TUT7: variants seen among roughly 807,000 people sequenced by gnomAD.
TUT7 encodes the protein terminal uridylyltransferase 7.
A neutral mutation model predicts 165.9 loss-of-function variants in TUT7; 33 were observed. The observed-to-expected ratio is 0.20, with a 90% confidence interval of 0.15 to 0.27. TUT7 has a LOEUF of 0.27. TUT7 is among the 10% of genes least tolerant of loss of function. The pLI, the probability that TUT7 is intolerant of heterozygous loss-of-function variation, is 1.00. For missense variants in TUT7, 1,338 were observed against 1,762.3 expected (o/e 0.76, Z 4.31); for synonymous variants, 552 against 608.1 (o/e 0.91, Z 1.36).
At chr9:86,305,885 A>G (rs1827416746) in intron 22 of TUT7, among the ~76,000 whole-genome samples, 2 of 152,158 alleles carry the variant, frequency 1.3e-5, no homozygotes, top group Admixed American at 1.3e-4. Flanking sequence ...AACATCTTAG[A>G]TAGCTGTATA....
At position 86,315,806 on chromosome 9, in the gene TUT7, A is replaced by G. The variant is rs189356772; in HGVS notation, c.3274+1413T>C. On this transcript the variant is annotated intron_variant, in intron 17 of 26. Coordinates refer to ENST00000375963, the MANE Select transcript of TUT7 (RefSeq NM_024617.4). The stretch of plus-strand genomic sequence containing the variant: ...GTGAACAAATCAATGTACATTTAAA[A>G]AAACAAAGCCTAACCCAATTTCTGT... 2.4e-4 allele frequency among the ~76,000 whole-genome samples: 36 copies of G among 152,312 alleles called. 1 individual carries two copies. The East Asian group carries it at 6.9e-3, about 29-fold the overall frequency.
chr9:86,328,079 T>C (rs1019987551), intron 11 of TUT7, among the ~76,000 whole-genome samples: 1 of 152,202 alleles, frequency 6.6e-6, no homozygotes, highest in South Asian at 2.1e-4. Context: ...TCTTTGAGGA[T>C]AGATATGGAT....
chr9:86,351,828 A>ATGCAG (rs1482027484), intron 2 of TUT7, among the ~76,000 whole-genome samples: 6 of 152,202 alleles, frequency 3.9e-5, no homozygotes, highest in Non-Finnish European at 5.9e-5. Flanking sequence ...TAAACTTACA[A>ATGCAG]GTCCATGTTT....
chr9:86,328,671 T>C (rs758069154), intron 10 of TUT7, among the ~76,000 whole-genome samples, 179 bp from the exon 11 acceptor site: 2 of 152,148 alleles, frequency 1.3e-5, no homozygotes, highest in Non-Finnish European at 2.9e-5. Context: ...AAAAACAAGG[T>C]TTTGATTTGC....
intron 8 of TUT7, 54 bp downstream of exon 8, chr9:86,339,982 T>A (rs777923372): frequency 7.3e-7 from 1 of 1,378,826 alleles, no homozygotes; most frequent in Non-Finnish European, 1.0e-6. Flanking sequence ...AGTAAAGTAC[T>A]TGTGCTTTTG....
rs1258723333 is a variant in TUT7 at position 86,339,970 on chromosome 9, G to A, written c.1208+66C>T. The A allele has an allele frequency of 2.5e-6, 3 of 1,187,294 alleles. No homozygotes were observed. In the South Asian group the frequency reaches 3.7e-5, roughly 15 times the overall value. The allele number at this position is 1,187,294 out of a possible 1,614,324, so 73.5% of individuals were successfully genotyped here. ...AATTCTAGAAATTGGACATTAAGAT[G>A]TAGTAAAGTACTTGTGCTTTTGGCA... On this transcript the variant is annotated intron_variant, in intron 8 of 26. Coordinates refer to ENST00000375963, the MANE Select transcript of TUT7 (RefSeq NM_024617.4).
intron 26 of TUT7, among the ~76,000 whole-genome samples, chr9:86,290,753 C>T (rs899250064): frequency 3.3e-5 from 5 of 151,272 alleles, no homozygotes; most frequent in Non-Finnish European, 7.4e-5. Context: ...CCCAGCTACT[C>T]GGAAGGCTGA....
At chr9:86,312,738 A>G (rs1313978941) in intron 17 of TUT7, among the ~76,000 whole-genome samples, 2 of 152,148 alleles carry the variant, frequency 1.3e-5, no homozygotes, top group Non-Finnish European at 2.9e-5. Flanking sequence ...AGAGGTAGAC[A>G]TGGGAGACTT....
At chr9:86,345,861 A>C in intron 3 of TUT7, 76 bp from the exon 4 acceptor site, 1 of 1,067,566 alleles carries the variant, frequency 9.4e-7, no homozygotes, top group Non-Finnish European at 1.4e-6. Flanking sequence ...TCAGCCAGGA[A>C]ATGATTTCCC....
At chr9:86,291,129 A>G (rs894093960) in intron 26 of TUT7, among the ~76,000 whole-genome samples, 2 of 152,226 alleles carry the variant, frequency 1.3e-5, no homozygotes, top group African/African-American at 4.8e-5. Context: ...AAGTTGAAAC[A>G]GAAGATATAC....
intron 26 of TUT7, among the ~76,000 whole-genome samples, chr9:86,290,353 AAC>A (rs1825807677): frequency 6.6e-6 from 1 of 152,188 alleles, no homozygotes; most frequent in Non-Finnish European, 1.5e-5. Context: ...ACATTCCCTA[AAC>A]ACATACTTTT....
At chr9:86,347,073 G>A (rs994940565) in intron 2 of TUT7, among the ~76,000 whole-genome samples, 10 of 152,158 alleles carry the variant, frequency 6.6e-5, no homozygotes, top group South Asian at 2.1e-4. Context: ...GGGTCCCTCC[G>A]TTAATATGAA....
chr9:86,338,967 A>T lies in TUT7; in HGVS notation c.1209-18T>A. 1 of 1,557,570 alleles carries T rather than the reference A, an allele frequency of 6.4e-7. No homozygotes were observed. The highest frequency in any genetic ancestry group is 8.7e-7 in the Non-Finnish European group (1 of 1,149,868). On this transcript the variant is annotated intron_variant, in intron 8 of 26. Transcript: ENST00000375963. The stretch of plus-strand genomic sequence containing the variant: ...GAAGACCACTGGTGAGAGGTGGGGG[A>T]GGAGGATGGGAAAGAAAAAAAGAAA...
chr9:86,290,842 A>G (rs567605236), intron 26 of TUT7, among the ~76,000 whole-genome samples: 9 of 152,082 alleles, frequency 5.9e-5, no homozygotes, highest in Non-Finnish European at 1.3e-4. Flanking sequence ...CCTGGGCGAC[A>G]GAGCAAGACT....
At chr9:86,307,433 C>T (rs1827614048) in intron 22 of TUT7, among the ~76,000 whole-genome samples, 2 of 152,056 alleles carry the variant, frequency 1.3e-5, no homozygotes, top group South Asian at 4.1e-4. Flanking sequence ...ATTCATTTTA[C>T]AAAAGTTCAT....
At chr9:86,291,143 AG>A (rs1390024520) in intron 26 of TUT7, among the ~76,000 whole-genome samples, 4 of 152,204 alleles carry the variant, frequency 2.6e-5, no homozygotes, top group African/African-American at 9.6e-5. Flanking sequence ...GATATACTGC[AG>A]GTAGACACTT....
chr9:86,293,800 T>C (rs1191959924), intron 26 of TUT7, among the ~76,000 whole-genome samples: 2 of 152,164 alleles, frequency 1.3e-5, no homozygotes, highest in Non-Finnish European at 2.9e-5. Context: ...TGACAGGGCA[T>C]GTGGCTTGAT....
intron 14 of TUT7, among the ~76,000 whole-genome samples, chr9:86,322,013 C>A (rs1238677987): frequency 6.6e-6 from 1 of 151,910 alleles, no homozygotes; most frequent in Non-Finnish European, 1.5e-5. Context: ...GAGGTCGAGG[C>A]TGCAGTGACT....
intron 26 of TUT7, among the ~76,000 whole-genome samples, chr9:86,300,957 AG>A (rs1261160740): frequency 1.3e-5 from 2 of 152,222 alleles, no homozygotes; most frequent in African/African-American, 4.8e-5. Context: ...CAAGTAGCAA[AG>A]CTCAAGTTGC....
Sources: gnomAD v4.1 joint callset for allele counts (sites outside exome capture counted in the v4.1 genomes callset) on GRCh38, gnomAD v4.1.1 for gene constraint, MANE v1.5 for transcripts, NCBI Gene and HGNC (gene_info 2026-07-23, HGNC 2026-07-21) for gene names.